The following ISCA2 variants were observed in gnomAD, a reference collection of about 807,000 sequenced individuals.
The protein encoded by ISCA2 is iron-sulfur cluster assembly 2 homolog, mitochondrial.
Under a neutral mutation model 19.1 loss-of-function variants are expected in ISCA2, and 21 were observed. The ratio of observed to expected loss-of-function variants is 1.10; its 90% confidence interval spans 0.78 to 1.59. The LOEUF is 1.59. Among genes scored for constraint, ISCA2 ranks in the 40% most tolerant of loss-of-function variants. The probability of loss-of-function intolerance (pLI) is 0.00; values close to 1 mark genes in which losing one functional copy is unlikely to be tolerated. For synonymous variants in ISCA2, 107 were observed against 83.8 expected (o/e 1.28, Z -1.51); for missense variants, 181 against 191.7 (o/e 0.94, Z 0.33).
In ISCA2 at chr14:74,495,002, G is replaced by A. The variant is rs2086832384; in HGVS notation, c.*2G>A. ...TCATCTTTCTCTATCAAACTTTGAT[G>A]TGATGACTGGTGACTCTGGGATTGT... On this transcript the variant is annotated 3_prime_UTR_variant, in exon 4 of 4. Coordinates refer to ENST00000556816, the MANE Select transcript of ISCA2 (RefSeq NM_194279.4). The A allele has an allele frequency of 1.2e-6, 2 of 1,607,532 alleles. No individual in the cohort carries two copies. Among genetic ancestry groups the A allele is most frequent in the African/African-American group, 1.3e-5 (1 of 74,758 alleles).
In ISCA2 at chr14:74,494,511, TCA is replaced by T. The variant is rs555086268; in HGVS notation, c.290+124_290+125del. ...CCTGGGATGGTTAACACCGCCCGTC[TCA>T]CAGTGAGGATGCAGTAAAGGTTTGT... On this transcript the variant is annotated intron_variant, in intron 3 of 3. Coordinates refer to ENST00000556816, the MANE Select transcript of ISCA2 (RefSeq NM_194279.4). The T allele has an allele frequency of 5.4e-4, 391 of 727,476 alleles. 1 individual carries two copies. The African/African-American group carries it at 6.4e-3, about 12-fold the overall frequency. 45.1% of individuals were successfully genotyped at this position (727,476 alleles called of 1,614,324 possible). A position where few individuals can be genotyped will look rare whatever the true frequency, so the allele number is the denominator to read the frequency against.
intron 3 of ISCA2, 29 bp from the exon 4 acceptor site, chr14:74,494,797 T>A: frequency 6.2e-7 from 1 of 1,602,688 alleles, no homozygotes; most frequent in East Asian, 2.2e-5. Context: ...TTTGCGATAC[T>A]CCTTAATGCC....
chr14:74,494,972 G>T lies in ISCA2; in HGVS notation c.437G>T (p.Cys146Phe), dbSNP rs1456856512. Residue 146 changes from cysteine (C) to phenylalanine (F), a missense_variant, in exon 4 of 4, where the codon TGT (cysteine) becomes TTT (phenylalanine). By Grantham distance (205) the Cys-to-Phe change is radical. Transcript: ENST00000556816. ...NNPQAQQGCS[C>F]GSSFSIKL ...CCTCAAGCACAGCAAGGCTGCTCCT[G>T]TGGGTCATCTTTCTCTATCAAACTT... 1 of 1,613,064 alleles carries T rather than the reference G, an allele frequency of 6.2e-7. No homozygotes were observed. The highest frequency in any genetic ancestry group is 8.5e-7 in the Non-Finnish European group (1 of 1,179,954).
At position 74,496,943 on chromosome 14, in the gene ISCA2, C is replaced by T. The variant is rs1811858855; in HGVS notation, c.*1943C>T. 1 of 151,970 alleles carries T rather than the reference C, an allele frequency of 6.6e-6. No individual in the cohort carries two copies. 9.4% of individuals were successfully genotyped at this position (151,970 alleles called of 1,614,324 possible). ...CCAGCCTGGGCAACATGGTGAAACC[C>T]CATCTCTACTAAAAATACAAAAATT... On this transcript the variant is annotated 3_prime_UTR_variant, in exon 4 of 4. Coordinates refer to ENST00000556816, the MANE Select transcript of ISCA2 (RefSeq NM_194279.4).
chr14:74,494,527 G>C, intron 3 of ISCA2, 137 bp downstream of exon 3: 2 of 681,356 alleles, frequency 2.9e-6, no homozygotes, highest in Non-Finnish European at 2.5e-6. Context: ...TGAGGATGCA[G>C]TAAAGGTTTG....
At position 74,494,642 on chromosome 14, in the gene ISCA2, C is replaced by A. The variant is rs915296238; in HGVS notation, c.291-184C>A. On this transcript the variant is annotated intron_variant, in intron 3 of 3. Transcript: ENST00000556816. ...GCCGGACTAGATTCCAGGCTTAAGT[C>A]CCTACACGTTTCCCAGTATTTATTC... 2.2e-5 allele frequency: 14 copies of A among 630,188 alleles called. No individual in the cohort carries two copies. The Admixed American group carries it at 4.1e-4, about 18-fold the overall frequency. 39.0% of individuals were successfully genotyped at this position (630,188 alleles called of 1,614,324 possible). A position where few individuals can be genotyped will look rare whatever the true frequency, so the allele number is the denominator to read the frequency against.
In ISCA2 at chr14:74,495,900, T is replaced by C. The variant is rs1362138837; in HGVS notation, c.*900T>C. ...GGTAAATAATTTTTTAGTATGCATA[T>C]GTCTCAAATATTGCATATACTAAAA... On this transcript the variant is annotated 3_prime_UTR_variant, in exon 4 of 4. Transcript: ENST00000556816. 6.6e-6 allele frequency: 1 copy of C among 152,240 alleles called. No homozygotes were observed. The highest frequency in any genetic ancestry group is 2.4e-5 in the African/African-American group (1 of 41,454). 9.4% of individuals were successfully genotyped at this position (152,240 alleles called of 1,614,324 possible). A position where few individuals can be genotyped will look rare whatever the true frequency, so the allele number is the denominator to read the frequency against.
intron 3 of ISCA2, 61 bp from the exon 4 acceptor site, chr14:74,494,765 C>T: frequency 6.8e-7 from 1 of 1,469,888 alleles, no homozygotes. Context: ...CACCTCTGGG[C>T]TCAGGGGGTG....
In ISCA2 at chr14:74,496,997, G is replaced by A. The variant is rs1043285925; in HGVS notation, c.*1997G>A. ...TGCGTGGTGGACACCTGTAATCCCAGCTACTCGGGAGACTGAGGCAAGAGA... is the reference window on the plus strand; with the variant it reads ...TGCGTGGTGGACACCTGTAATCCCAACTACTCGGGAGACTGAGGCAAGAGA... On this transcript the variant is annotated 3_prime_UTR_variant, in exon 4 of 4. Transcript: ENST00000556816. 9 of 151,450 alleles carry A rather than the reference G, an allele frequency of 5.9e-5. No individual in the cohort carries two copies. The highest frequency in any genetic ancestry group is 4.0e-4 in the Admixed American group (6 of 15,126). The allele number at this position is 151,450 out of a possible 1,614,324, so 9.4% of individuals were successfully genotyped here.
Position 74,493,783 on chromosome 14 carries a change from C to G in ISCA2, c.9C>G (p.Ala3=). ...GGAGCTTGTGGAGGAAGATGGCTGC[C>G]GCCTGGGGGTCGTCCCTAACGGCCG... is the stretch of plus-strand genomic sequence containing the variant. MA[A]AWGSSLTAAT... The change falls in exon 1 of 4, where the codon GCC becomes GCG. Residue 3 remains alanine (A), a synonymous_variant. Coordinates refer to ENST00000556816, the MANE Select transcript of ISCA2 (RefSeq NM_194279.4). The surrounding 1 kb of genome is among the most constrained non-coding windows in gnomAD (Gnocchi z 4.1). 4 of 1,523,578 alleles carry G rather than the reference C, an allele frequency of 2.6e-6. No homozygotes were observed. The highest frequency in any genetic ancestry group is 3.5e-6 in the Non-Finnish European group (4 of 1,137,802). The allele number at this position is 1,523,578 out of a possible 1,614,324, so 94.4% of individuals were successfully genotyped here.
chr14:74,494,064 C>G lies in ISCA2; in HGVS notation c.86C>G (p.Ser29Cys). The G allele has an allele frequency of 6.5e-7, 1 of 1,545,682 alleles. No individual in the cohort carries two copies. The highest frequency in any genetic ancestry group is 1.7e-4 in the Middle Eastern group (1 of 5,976). The stretch of plus-strand genomic sequence containing the variant: ...CTTGCGCGCAGGCTCCTCACGGCCT[C>G]CCTGGGACCCCAGGCGCGTCGGGAG... ...PWPRGRLLTA[S>C]LGPQARREAS... is the part of the protein sequence containing the mutation. Residue 29 changes from serine to cysteine, a missense_variant, in exon 2 of 4, where the codon TCC becomes TGC. Physicochemically the swap from Ser to Cys is moderately radical, Grantham distance 112 (BLOSUM62 -1). Transcript: ENST00000556816.
chr14:74,494,773 G>A, intron 3 of ISCA2, 53 bp from the exon 4 acceptor site: 1 of 1,513,406 alleles, frequency 6.6e-7, no homozygotes, highest in South Asian at 1.2e-5. Flanking sequence ...GGCTCAGGGG[G>A]TGTCTTTTTT....
In ISCA2 at chr14:74,493,850, C is replaced by G; in HGVS notation, c.71+5C>G. 6.4e-7 allele frequency: 1 copy of G among 1,559,502 alleles called. No individual in the cohort carries two copies. On this transcript the variant is annotated splice_donor_5th_base_variant and intron_variant, in intron 1 of 3. Transcript: ENST00000556816. The surrounding 1 kb of genome is among the most constrained non-coding windows in gnomAD (Gnocchi z 4.1). ...CACTCCCTGGCCGAGGGGCAGGTAC[C>G]AAGACTAGAAAGGCACCTGGAAAGG...
chr14:74,494,545 G>A, intron 3 of ISCA2, 155 bp downstream of exon 3: 1 of 658,166 alleles, frequency 1.5e-6, no homozygotes, highest in Non-Finnish European at 2.6e-6. Context: ...TTGTTGTTCT[G>A]AATCAAAGTA....
At chr14:74,494,425 C>T in intron 3 of ISCA2, 35 bp downstream of exon 3, 1 of 1,461,378 alleles carries the variant, frequency 6.8e-7, no homozygotes, top group Non-Finnish European at 9.6e-7. Flanking sequence ...AAAGGAGGTA[C>T]AGGAGGGACA....
At chr14:74,494,425 C>A in intron 3 of ISCA2, 35 bp downstream of exon 3, 2 of 1,461,378 alleles carry the variant, frequency 1.4e-6, no homozygotes, top group Non-Finnish European at 1.9e-6. Context: ...AAAGGAGGTA[C>A]AGGAGGGACA....
chr14:74,494,658 G>A, intron 3 of ISCA2, 168 bp from the exon 4 acceptor site: 4 of 644,136 alleles, frequency 6.2e-6, no homozygotes, highest in South Asian at 2.0e-5. Flanking sequence ...ACGTTTCCCA[G>A]TATTTATTCC....
In ISCA2 at chr14:74,493,792, G is replaced by C; in HGVS notation, c.18G>C (p.Gly6=). The C allele has an allele frequency of 6.5e-7, 1 of 1,533,666 alleles. No homozygotes were observed. The highest frequency in any genetic ancestry group is 1.2e-5 in the South Asian group (1 of 81,120). The change falls in exon 1 of 4, where the codon GGG becomes GGC. Residue 6 remains glycine, a synonymous_variant. Coordinates refer to ENST00000556816, the MANE Select transcript of ISCA2 (RefSeq NM_194279.4). The surrounding 1 kb of genome is among the most constrained non-coding windows in gnomAD (Gnocchi z 4.1). MAAAW[G]SSLTAATQRA... ...GGAGGAAGATGGCTGCCGCCTGGGG[G>C]TCGTCCCTAACGGCCGCGACGCAGA...
At position 74,494,916 on chromosome 14, in the gene ISCA2, G is replaced by T; in HGVS notation, c.381G>T (p.Leu127=). The T allele has an allele frequency of 6.2e-7, 1 of 1,614,086 alleles. No homozygotes were observed. Among genetic ancestry groups the T allele is most frequent in the Non-Finnish European group, 8.5e-7 (1 of 1,179,968 alleles). The change falls in exon 4 of 4, where the codon CTG becomes CTT. Residue 127 remains leucine (L), a synonymous_variant. Coordinates refer to ENST00000556816, the MANE Select transcript of ISCA2 (RefSeq NM_194279.4). ...CCCAGGTGGACTTCAGCCAAGAACT[G>T]ATCCGAAGCTCATTTCAAGTGTTGA... ...KGAQVDFSQE[L]IRSSFQVLNN...
Sources: gnomAD v4.1 joint callset for allele counts on GRCh38, gnomAD v4.1.1 for gene constraint, Gnocchi (gnomAD v3.1) non-coding constraint, MANE v1.5 for transcripts, NCBI Gene and HGNC (gene_info 2026-07-23, HGNC 2026-07-21) for gene names.